The following FBXO36 variants were observed in gnomAD, a reference collection of about 807,000 sequenced individuals.
The protein encoded by FBXO36 is F-box only protein 36.
In FBXO36, 18 loss-of-function variants were observed where a neutral mutation model predicts 17.0. That is an observed-to-expected ratio of 1.06 (90% CI 0.73 to 1.57). FBXO36 has a LOEUF of 1.57. FBXO36 is among the 40% of genes most tolerant of loss of function. The probability of loss-of-function intolerance (pLI) is 0.00; values close to 1 mark genes in which losing one functional copy is unlikely to be tolerated. For missense variants in FBXO36, 229 were observed against 221.9 expected, an observed-to-expected ratio of 1.03 and a Z score of -0.20; for synonymous variants, 83 against 85.3, an observed-to-expected ratio of 0.97 and a Z score of 0.15.
chr2:229,989,757 T>A (rs2106205346), intron 2 of FBXO36, among the ~76,000 whole-genome samples: 1 of 145,784 alleles, frequency 6.9e-6, no homozygotes, highest in South Asian at 2.2e-4. Context: ...GTATTTTTAG[T>A]AGAGACAGGG....
intron 1 of FBXO36, among the ~76,000 whole-genome samples, chr2:229,960,643 G>A (rs1012120757): frequency 1.3e-5 from 2 of 152,128 alleles, no homozygotes; most frequent in African/African-American, 4.8e-5. Flanking sequence ...GGCATGTGCC[G>A]CCATGCCTGG....
intron 1 of FBXO36, among the ~76,000 whole-genome samples, chr2:229,946,419 G>A (rs1560435893): frequency 1.3e-5 from 2 of 152,174 alleles, no homozygotes; most frequent in Non-Finnish European, 2.9e-5. Context: ...CTGCATCTCT[G>A]CCAAGAATCC....
chr2:229,957,599 G>T (rs16826498), intron 1 of FBXO36, among the ~76,000 whole-genome samples: 6,139 of 152,134 alleles, frequency 0.04, 420 homozygotes, highest in African/African-American at 0.14. Context: ...ACAATGAGGT[G>T]ACCATTTCTG....
chr2:229,975,739 G>T (rs2077204570), intron 1 of FBXO36, among the ~76,000 whole-genome samples: 1 of 149,422 alleles, frequency 6.7e-6, no homozygotes, highest in Admixed American at 6.8e-5. Context: ...ACCTCCCAAA[G>T]TGTTGGGATT....
intron 3 of FBXO36, among the ~76,000 whole-genome samples, chr2:230,000,353 CT>C (rs1265650915): frequency 1.4e-5 from 1 of 73,238 alleles, no homozygotes; most frequent in African/African-American, 6.2e-5. Flanking sequence ...GTGAGACTGT[CT>C]CAAAAAAAAA....
chr2:229,994,741 A>G (rs190066194), intron 2 of FBXO36, among the ~76,000 whole-genome samples: 1 of 152,292 alleles, frequency 6.6e-6, no homozygotes, highest in Non-Finnish European at 1.5e-5. Flanking sequence ...GGAGAAGAGA[A>G]ACTGACAAAG....
intron 1 of FBXO36, among the ~76,000 whole-genome samples, chr2:229,972,258 A>G (rs2077184710): frequency 6.6e-6 from 1 of 152,124 alleles, no homozygotes. Context: ...TTGGCCTCCC[A>G]AAGTGCTGGG....
At chr2:230,001,982 T>C (rs1400781210) in intron 3 of FBXO36, among the ~76,000 whole-genome samples, 1 of 152,174 alleles carries the variant, frequency 6.6e-6, no homozygotes, top group Non-Finnish European at 1.5e-5. Flanking sequence ...CACACCTGGC[T>C]AATTTTATTT....
At chr2:229,922,922 C>T (rs1159954797) in intron 1 of FBXO36, among the ~76,000 whole-genome samples, 1 of 152,214 alleles carries the variant, frequency 6.6e-6, no homozygotes, top group Non-Finnish European at 1.5e-5. Context: ...ACGGGCGTCT[C>T]CGGCTTGCGT....
chr2:230,001,222 C>CT (rs1177675222), intron 3 of FBXO36, among the ~76,000 whole-genome samples: 2 of 152,140 alleles, frequency 1.3e-5, no homozygotes, highest in Admixed American at 6.6e-5. Context: ...TGTTGTCAAT[C>CT]TAAGTTTTAT....
chr2:229,946,302 C>T (rs1025208097), intron 1 of FBXO36, among the ~76,000 whole-genome samples: 1 of 152,150 alleles, frequency 6.6e-6, no homozygotes, highest in Non-Finnish European at 1.5e-5. Flanking sequence ...CTTTTCAACT[C>T]GCCCATTGTC....
At chr2:229,991,171 A>G (rs1374571785) in intron 2 of FBXO36, among the ~76,000 whole-genome samples, 1 of 152,148 alleles carries the variant, frequency 6.6e-6, no homozygotes, top group Non-Finnish European at 1.5e-5. Flanking sequence ...CATGACCTTA[A>G]GTAATCGGCC....
chr2:229,989,500 G>T (rs1371820909), intron 2 of FBXO36, among the ~76,000 whole-genome samples: 1 of 151,906 alleles, frequency 6.6e-6, no homozygotes, highest in Non-Finnish European at 1.5e-5. Context: ...CAGGTGATCT[G>T]CCCGCCTCAG....
In FBXO36 at chr2:229,962,498, TTTTTATTTTA is replaced by T. The variant is rs150685147; in HGVS notation, c.97-13700_97-13691del. 5.3e-3 allele frequency among the ~76,000 whole-genome samples: 679 copies of T among 127,370 alleles called. 2 individuals are homozygous for T. Among genetic ancestry groups the T allele is most frequent in the South Asian group, 0.015 (57 of 3,840 alleles). The allele number at this position is 127,370 out of a possible 152,430, so 83.6% of individuals were successfully genotyped here. ...GGCATGCACCACCACACCTAGTTGA[TTTTTATTTTA>T]TTTTATTTTATTTTATTTTATTTTA... is the stretch of plus-strand genomic sequence containing the variant. On this transcript the variant is annotated intron_variant, in intron 1 of 3. Coordinates refer to ENST00000283946, the MANE Select transcript of FBXO36 (RefSeq NM_174899.5).
intron 1 of FBXO36, among the ~76,000 whole-genome samples, chr2:229,950,388 G>C (rs996403079): frequency 6.6e-6 from 1 of 151,908 alleles, no homozygotes; most frequent in Admixed American, 6.6e-5. Context: ...ATCACTCCAC[G>C]GCACTCCAGA....
chr2:230,004,541 G>A (rs1278026373), intron 3 of FBXO36, among the ~76,000 whole-genome samples: 1 of 152,142 alleles, frequency 6.6e-6, no homozygotes, highest in Non-Finnish European at 1.5e-5. Flanking sequence ...TATTAACTGT[G>A]TTTTGCATGT....
chr2:230,009,626 G>A (rs1425129144), intron 3 of FBXO36, among the ~76,000 whole-genome samples: 1 of 152,176 alleles, frequency 6.6e-6, no homozygotes, highest in African/African-American at 2.4e-5. Flanking sequence ...AGAAGATGGG[G>A]TGATGGTAGA....
intron 3 of FBXO36, among the ~76,000 whole-genome samples, chr2:229,998,927 C>T (rs898381658): frequency 4.6e-5 from 7 of 151,028 alleles, no homozygotes; most frequent in African/African-American, 1.2e-4. Flanking sequence ...CTCAGCCTCC[C>T]GAGTAGCTGG....
At chr2:229,944,693 T>C (rs553116143) in intron 1 of FBXO36, among the ~76,000 whole-genome samples, 7 of 150,292 alleles carry the variant, frequency 4.7e-5, no homozygotes, top group Admixed American at 6.7e-5. Flanking sequence ...CCTGGGTTCA[T>C]ACCATTCTCC....
Sources: allele counts gnomAD v4.1 joint callset (sites outside exome capture counted in the v4.1 genomes callset), GRCh38; gene constraint gnomAD v4.1.1; transcripts MANE v1.5; gene names NCBI Gene and HGNC (gene_info 2026-07-23, HGNC 2026-07-21).